Variants in EML4 observed in about 807,000 individuals in gnomAD.
The protein encoded by EML4 is echinoderm microtubule-associated protein-like 4.
Under a neutral mutation model 129.0 loss-of-function variants are expected in EML4, and 72 were observed. That is an observed-to-expected ratio of 0.56 (90% confidence interval 0.46 to 0.68). The LOEUF is 0.68. EML4 is among the 30% of genes least tolerant of loss of function. The pLI is 0.00. For synonymous variants in EML4, 532 were observed against 405.0 expected, an observed-to-expected ratio of 1.31 and a Z score of -3.77; for missense variants, 1,363 against 1,190.6, an observed-to-expected ratio of 1.14 and a Z score of -2.13.
chr2:42,245,767 A>G (rs1675365544), intron 2 of EML4, 80 bp downstream of exon 2: 2 of 1,328,516 alleles, frequency 1.5e-6, no homozygotes, highest in South Asian at 3.2e-5. Context: ...ATATAAAACT[A>G]GTTTCTTATG....
At chr2:42,249,158 C>T (rs548584923) in intron 2 of EML4, among the ~76,000 whole-genome samples, 23 of 152,184 alleles carry the variant, frequency 1.5e-4, no homozygotes, top group Admixed American at 8.5e-4. Context: ...TTGGAATAAA[C>T]ATTTTAAGCA....
chr2:42,217,089 C>G (rs1016108293), intron 1 of EML4, among the ~76,000 whole-genome samples: 1 of 152,146 alleles, frequency 6.6e-6, no homozygotes, highest in Non-Finnish European at 1.5e-5. Flanking sequence ...AGTCAATATT[C>G]TCATAGTTGG....
intron 1 of EML4, among the ~76,000 whole-genome samples, chr2:42,232,535 G>A (rs1488814900): frequency 6.6e-6 from 1 of 152,082 alleles, no homozygotes; most frequent in African/African-American, 2.4e-5. Flanking sequence ...TTCCTTCCTA[G>A]CCTGTAATGT....
rs1178843885 is a variant in EML4 at position 42,258,969 on chromosome 2, G to A, written c.339-2152G>A. Among the ~76,000 whole-genome samples, 23 of 152,214 alleles carry A rather than the reference G, an allele frequency of 1.5e-4. No individual in the cohort carries two copies. In the East Asian group the frequency reaches 4.1e-3, roughly 27 times the overall value. On this transcript the variant is annotated intron_variant, in intron 3 of 22. Coordinates refer to ENST00000318522, the MANE Select transcript of EML4 (RefSeq NM_019063.5). ...TTAAGAAAGACATGTAAATGGGACC[G>A]GATGCAGTGGCTCACGCCTGTAATC... is the stretch of plus-strand genomic sequence containing the variant.
At chr2:42,312,557 ATTT>A (rs35842539) in intron 17 of EML4, among the ~76,000 whole-genome samples, 1 of 147,772 alleles carries the variant, frequency 6.8e-6, no homozygotes, top group Non-Finnish European at 1.5e-5. Context: ...GCCAATCAGA[ATTT>A]TTTTTTTTTT....
intron 3 of EML4, among the ~76,000 whole-genome samples, chr2:42,258,068 G>A (rs530071305): frequency 4.4e-4 from 67 of 152,262 alleles, no homozygotes; most frequent in Non-Finnish European, 9.0e-4. Flanking sequence ...CTATTGCACT[G>A]TTGCTTGTTG....
intron 6 of EML4, among the ~76,000 whole-genome samples, chr2:42,278,561 G>C (rs1228868928): frequency 7.5e-6 from 1 of 134,200 alleles, no homozygotes; most frequent in Non-Finnish European, 1.6e-5. Flanking sequence ...GTGACAGAGC[G>C]GGACTCCATC....
At chr2:42,329,512 T>C (rs1669984861) in intron 22 of EML4, among the ~76,000 whole-genome samples, 1 of 152,082 alleles carries the variant, frequency 6.6e-6, no homozygotes, top group Admixed American at 6.6e-5. Context: ...AGTGTGAAAA[T>C]ACAGAGATGT....
At chr2:42,178,841 G>A (rs1238308284) in intron 1 of EML4, among the ~76,000 whole-genome samples, 2 of 152,116 alleles carry the variant, frequency 1.3e-5, no homozygotes, top group African/African-American at 2.4e-5. Flanking sequence ...TACACCTAAG[G>A]GATCTGGGAG....
intron 21 of EML4, 63 bp downstream of exon 21, chr2:42,326,315 T>C (rs951103293): frequency 1.8e-6 from 2 of 1,096,418 alleles, no homozygotes; most frequent in African/African-American, 1.6e-5. Flanking sequence ...AATATTTACT[T>C]GCTTAAATTT....
At chr2:42,249,331 A>T (rs1395168224) in intron 2 of EML4, among the ~76,000 whole-genome samples, 1 of 151,822 alleles carries the variant, frequency 6.6e-6, no homozygotes, top group Non-Finnish European at 1.5e-5. Flanking sequence ...TATAGTATCG[A>T]GTATCACATA....
chr2:42,212,001 C>T (rs1424056161), intron 1 of EML4, among the ~76,000 whole-genome samples: 3 of 152,000 alleles, frequency 2.0e-5, no homozygotes, highest in African/African-American at 7.2e-5. Context: ...CATGCCACCA[C>T]GCCCAGCTAA....
At chr2:42,290,542 A>G (rs988728274) in intron 11 of EML4, among the ~76,000 whole-genome samples, 1 of 151,402 alleles carries the variant, frequency 6.6e-6, no homozygotes, top group African/African-American at 2.4e-5. Flanking sequence ...GCCTGGGCAA[A>G]CATAATGAGA....
chr2:42,184,616 A>G (rs1006164643), intron 1 of EML4, among the ~76,000 whole-genome samples: 10 of 151,962 alleles, frequency 6.6e-5, no homozygotes, highest in Non-Finnish European at 1.3e-4. Context: ...CTTTCTTCTT[A>G]TACCGTTATT....
chr2:42,257,178 A>G (rs1484463153), intron 3 of EML4, among the ~76,000 whole-genome samples: 6 of 151,974 alleles, frequency 3.9e-5, no homozygotes, highest in African/African-American at 1.2e-4. Flanking sequence ...ACAGCAATAT[A>G]AGTTTCAGTG....
intron 1 of EML4, among the ~76,000 whole-genome samples, chr2:42,235,240 G>C (rs1160946209): frequency 6.6e-6 from 1 of 151,354 alleles, no homozygotes; most frequent in Non-Finnish European, 1.5e-5. Flanking sequence ...AGGTTGCAGT[G>C]AGCCGAGATC....
chr2:42,275,954 C>T (rs1462192895), intron 6 of EML4, among the ~76,000 whole-genome samples: 1 of 151,910 alleles, frequency 6.6e-6, no homozygotes, highest in East Asian at 1.9e-4. Context: ...ATTGAGTTTC[C>T]TGGTGGTTTA....
intron 1 of EML4, among the ~76,000 whole-genome samples, chr2:42,191,786 G>A (rs771119911): frequency 6.6e-6 from 1 of 152,080 alleles, no homozygotes; most frequent in South Asian, 2.1e-4. Flanking sequence ...TTTGCCGGGC[G>A]TGGTGGCTCA....
chr2:42,203,682 G>T (rs1672370502), intron 1 of EML4, among the ~76,000 whole-genome samples: 1 of 144,902 alleles, frequency 6.9e-6, no homozygotes, highest in African/African-American at 2.5e-5. Flanking sequence ...ACATATTTTG[G>T]TGTGAATTGC....
Sources: gnomAD v4.1 joint callset for allele counts (sites outside exome capture counted in the v4.1 genomes callset) on GRCh38, gnomAD v4.1.1 for gene constraint, MANE v1.5 for transcripts, NCBI Gene and HGNC (gene_info 2026-07-23, HGNC 2026-07-21) for gene names.